RBPMS: variants seen among roughly 807,000 people sequenced by gnomAD.
The protein encoded by RBPMS is RNA binding protein, mRNA processing factor.
A neutral mutation model predicts 26.8 loss-of-function variants in RBPMS; 7 were observed. The observed-to-expected ratio is 0.26, with a 90% CI of 0.15 to 0.49. The LOEUF is 0.49. RBPMS is among the 20% of genes least tolerant of loss of function. The pLI is 0.98. For missense variants in RBPMS, 186 were observed against 250.0 expected (o/e 0.74, Z 1.73); for synonymous variants, 96 against 93.3 (o/e 1.03, Z -0.17).
intron 6 of RBPMS, 62 bp downstream of exon 6, chr8:30,544,686 TCC>T (rs1725507276): frequency 6.2e-7 from 1 of 1,608,048 alleles, no homozygotes; most frequent in Admixed American, 1.7e-5. Context: ...CAAACTTGGT[TCC>T]CGAGAGCACA....
chr8:30,547,881 G>C (rs1455897486), intron 6 of RBPMS, among the ~76,000 whole-genome samples: 3 of 152,224 alleles, frequency 2.0e-5, no homozygotes, highest in Non-Finnish European at 4.4e-5. Context: ...AGGAGACAAA[G>C]TGTCATTGAA....
At chr8:30,411,283 A>T (rs1809361918) in intron 1 of RBPMS, among the ~76,000 whole-genome samples, 1 of 152,128 alleles carries the variant, frequency 6.6e-6, no homozygotes, top group Non-Finnish European at 1.5e-5. Context: ...TAGGAGTCTT[A>T]TTCTAAGGAT....
At chr8:30,459,787 T>G (rs1401801257) in intron 1 of RBPMS, among the ~76,000 whole-genome samples, 6 of 152,240 alleles carry the variant, frequency 3.9e-5, no homozygotes, top group African/African-American at 1.2e-4. Context: ...AGTGCCAGAT[T>G]AAATAGCTCA....
Position 30,452,161 on chromosome 8 carries a change from G to T in RBPMS, c.67-22618G>T, listed in dbSNP as rs1042906317. 3.9e-5 allele frequency among the ~76,000 whole-genome samples: 6 copies of T among 152,200 alleles called. No homozygotes were observed. In the South Asian group the frequency reaches 8.3e-4, roughly 21 times the overall value. On this transcript the variant is annotated intron_variant, in intron 1 of 8. Transcript: ENST00000397323. ...AGGCCAAACAGGTTGTAAGAAGAAG[G>T]TGATGATCAAGCATGGCATTTTACA...
At chr8:30,480,123 C>A (rs928819748) in intron 4 of RBPMS, among the ~76,000 whole-genome samples, 1 of 152,212 alleles carries the variant, frequency 6.6e-6, no homozygotes, top group Non-Finnish European at 1.5e-5. Flanking sequence ...TGAGGAGTCT[C>A]AGCGAAGGCT....
At chr8:30,474,094 AAACAAC>A (rs140129097) in intron 1 of RBPMS, among the ~76,000 whole-genome samples, 1 of 151,576 alleles carries the variant, frequency 6.6e-6, no homozygotes, top group South Asian at 2.1e-4. Flanking sequence ...AAAATTTAAA[AAACAAC>A]AACAACAACA....
At chr8:30,393,826 C>T (rs1377040159) in intron 1 of RBPMS, among the ~76,000 whole-genome samples, 5 of 151,148 alleles carry the variant, frequency 3.3e-5, no homozygotes, top group Middle Eastern at 3.2e-3. Context: ...GCCATATTTT[C>T]ATTTTATTCA....
intron 6 of RBPMS, among the ~76,000 whole-genome samples, chr8:30,549,750 C>CTTTTCTTTTCTTTT (rs1554543794): frequency 1.3e-5 from 1 of 76,262 alleles, no homozygotes; most frequent in East Asian, 3.1e-4. Context: ...TTCTTTCTTT[C>CTTTTCTTTTCTTTT]CTTTTCTTTT....
chr8:30,550,061 A>G (rs1008908521), intron 6 of RBPMS, among the ~76,000 whole-genome samples: 2 of 152,008 alleles, frequency 1.3e-5, no homozygotes, highest in African/African-American at 2.4e-5. Context: ...TGTGTTAGCC[A>G]GGATGGTCTC....
At chr8:30,414,138 G>A (rs1204289546) in intron 1 of RBPMS, among the ~76,000 whole-genome samples, 1 of 139,010 alleles carries the variant, frequency 7.2e-6, no homozygotes, top group Non-Finnish European at 1.5e-5. Flanking sequence ...GATGTCATCA[G>A]AACAACAGGC....
intron 5 of RBPMS, among the ~76,000 whole-genome samples, chr8:30,529,954 C>T (rs765704242): frequency 1.3e-5 from 2 of 152,074 alleles, no homozygotes; most frequent in African/African-American, 2.4e-5. Context: ...AGGGTTTCAC[C>T]GTGTTGCCCA....
At chr8:30,550,079 T>C (rs956017857) in intron 6 of RBPMS, among the ~76,000 whole-genome samples, 2 of 152,126 alleles carry the variant, frequency 1.3e-5, no homozygotes, top group African/African-American at 4.8e-5. Context: ...CTCGATCTCA[T>C]GACCTTATGA....
Position 30,571,113 on chromosome 8 carries a change from T to C in RBPMS, c.*588T>C, listed in dbSNP as rs770910229. 1.3e-5 allele frequency: 2 copies of C among 152,106 alleles called. No homozygotes were observed. The highest frequency in any genetic ancestry group is 2.9e-5 in the Non-Finnish European group (2 of 68,002). 9.4% of individuals were successfully genotyped at this position (152,106 alleles called of 1,614,324 possible). A position where few individuals can be genotyped will look rare whatever the true frequency, so the allele number is the denominator to read the frequency against. On this transcript the variant is annotated 3_prime_UTR_variant, in exon 9 of 9. Coordinates refer to ENST00000397323, the MANE Select transcript of RBPMS (RefSeq NM_001008710.3). ...CCAGGGTAAATTAGTAGCATGGTGTTAGATGTTAGAAACAGAACTGTTATT... is the reference window on the plus strand; with the variant it reads ...CCAGGGTAAATTAGTAGCATGGTGTCAGATGTTAGAAACAGAACTGTTATT...
chr8:30,476,557 C>T (rs563943773), intron 2 of RBPMS, among the ~76,000 whole-genome samples: 1 of 152,258 alleles, frequency 6.6e-6, no homozygotes, highest in African/African-American at 2.4e-5. Flanking sequence ...TAACATAGTT[C>T]TCTGCTGGGA....
intron 1 of RBPMS, among the ~76,000 whole-genome samples, chr8:30,453,229 C>T (rs1814802401): frequency 6.6e-6 from 1 of 152,164 alleles, no homozygotes. Flanking sequence ...GGTAACGGTT[C>T]ATGTAGAATC....
intron 1 of RBPMS, among the ~76,000 whole-genome samples, chr8:30,465,055 C>T (rs1201805923): frequency 2.0e-5 from 3 of 152,074 alleles, no homozygotes; most frequent in Non-Finnish European, 4.4e-5. Flanking sequence ...ATAGAGCAAG[C>T]CACCTAAAAA....
intron 6 of RBPMS, among the ~76,000 whole-genome samples, chr8:30,549,766 CTTT>C (rs1251306788): frequency 9.0e-4 from 101 of 111,608 alleles, no homozygotes; most frequent in Admixed American, 3.0e-3. Flanking sequence ...CTTTTCTTTT[CTTT>C]TCTTCTCTCT....
chr8:30,413,113 C>T (rs1809643092), intron 1 of RBPMS, among the ~76,000 whole-genome samples: 1 of 152,236 alleles, frequency 6.6e-6, no homozygotes, highest in Non-Finnish European at 1.5e-5. Flanking sequence ...GAGCCTTGCT[C>T]TGTTGCCCAG....
intron 5 of RBPMS, among the ~76,000 whole-genome samples, chr8:30,520,215 T>C (rs1822881597): frequency 6.6e-6 from 1 of 152,216 alleles, no homozygotes; most frequent in Admixed American, 6.5e-5. Context: ...TTGTTTACCC[T>C]GAAATACAGG....
Sources: allele counts gnomAD v4.1 joint callset (sites outside exome capture counted in the v4.1 genomes callset), GRCh38; gene constraint gnomAD v4.1.1; transcripts MANE v1.5; gene names NCBI Gene and HGNC (gene_info 2026-07-23, HGNC 2026-07-21).